The following AGTR1 variants were observed in gnomAD, a reference collection of about 807,000 sequenced individuals.
AGTR1 encodes the protein angiotensin II receptor type 1.
In AGTR1, 16 loss-of-function variants were observed where a neutral mutation model predicts 19.4. That is an observed-to-expected ratio of 0.82 (90% CI 0.56 to 1.25). The LOEUF (loss-of-function observed/expected upper bound fraction) is 1.25, where lower values mean the gene tolerates loss of function less well. Ranked by LOEUF, AGTR1 falls within the 50% of genes most tolerant of loss-of-function variation. The pLI is 0.00. For synonymous variants in AGTR1, 153 were observed against 154.9 expected (o/e 0.99, Z 0.09); for missense variants, 373 against 431.9 (o/e 0.86, Z 1.21).
chr3:148,700,405 CCA>C (rs1354327001), intron 1 of AGTR1, among the ~76,000 whole-genome samples: 10 of 152,050 alleles, frequency 6.6e-5, no homozygotes, highest in African/African-American at 2.4e-4. Context: ...ATCTGTGCTG[CCA>C]CAGTGTCCTT....
In AGTR1 at chr3:148,741,750, T is replaced by G; in HGVS notation, c.715T>G (p.Phe239Val). 1 of 1,613,762 alleles carries G rather than the reference T, an allele frequency of 6.2e-7. No homozygotes were observed. The highest frequency in any genetic ancestry group is 1.1e-5 in the South Asian group (1 of 91,082). The change falls in exon 3 of 3, where the codon TTT becomes GTT. Residue 239 changes from phenylalanine (F) to valine (V), a missense_variant. Physicochemically the swap from Phe to Val is conservative, Grantham distance 50. Transcript: ENST00000349243. Reference sequence around the variant, plus strand: ...GAACAAACCAAGAAATGATGATATTTTTAAGATAATTATGGCAATTGTGCT... The same window carrying G: ...GAACAAACCAAGAAATGATGATATTGTTAAGATAATTATGGCAATTGTGCT... ...QKNKPRNDDIFKIIMAIVLFF... is the reference protein window; with the variant it reads ...QKNKPRNDDIVKIIMAIVLFF...
In AGTR1 at chr3:148,741,803, C is replaced by T. The variant is rs1714917958; in HGVS notation, c.768C>T (p.His256=). The T allele has an allele frequency of 6.2e-7, 1 of 1,613,176 alleles. No individual in the cohort carries two copies. The highest frequency in any genetic ancestry group is 8.5e-7 in the Non-Finnish European group (1 of 1,179,944). Reference sequence around the variant, plus strand: ...TCTTTTTCTTTTCCTGGATTCCCCACCAAATATTCACTTTTCTGGATGTAT... The same window carrying T: ...TCTTTTTCTTTTCCTGGATTCCCCATCAAATATTCACTTTTCTGGATGTAT... The part of the protein sequence containing the change: ...VLFFFFSWIP[H]QIFTFLDVLI... The change falls in exon 3 of 3, where the codon CAC becomes CAT. Residue 256 remains histidine (H), a synonymous_variant. Transcript: ENST00000349243.
intron 2 of AGTR1, among the ~76,000 whole-genome samples, chr3:148,709,818 C>T (rs1045980939): frequency 1.3e-5 from 2 of 152,144 alleles, no homozygotes; most frequent in African/African-American, 4.8e-5. Context: ...CACTTCAGAG[C>T]TTGTTTCACA....
chr3:148,707,231 A>C (rs867787777), intron 1 of AGTR1, among the ~76,000 whole-genome samples: 1 of 152,080 alleles, frequency 6.6e-6, no homozygotes, highest in African/African-American at 2.4e-5. Context: ...AAAAAGAAAA[A>C]ACTATAGATA....
At chr3:148,740,510 T>C (rs1242237708) in intron 2 of AGTR1, among the ~76,000 whole-genome samples, 1 of 152,202 alleles carries the variant, frequency 6.6e-6, no homozygotes, top group Non-Finnish European at 1.5e-5. Context: ...TCTTTATACC[T>C]AAGTAAAGAT....
rs1241893519 is a variant in AGTR1, at chr3:148,741,220, T to C, written c.185T>C (p.Val62Ala). The C allele has an allele frequency of 6.2e-7, 1 of 1,614,066 alleles. No individual in the cohort carries two copies. Among genetic ancestry groups the C allele is most frequent in the African/African-American group, 1.3e-5 (1 of 74,952 alleles). Residue 62 changes from valine to alanine, a missense_variant, in exon 3 of 3, where the codon GTG becomes GCG. Coordinates refer to ENST00000349243, the MANE Select transcript of AGTR1 (RefSeq NM_000685.5). ...TACTTTTATATGAAGCTGAAGACTG[T>C]GGCCAGTGTTTTTCTTTTGAATTTA... ...VIYFYMKLKT[V>A]ASVFLLNLAL...
chr3:148,720,652 G>A (rs1035821980), intron 2 of AGTR1, among the ~76,000 whole-genome samples: 7 of 152,000 alleles, frequency 4.6e-5, no homozygotes, highest in Non-Finnish European at 7.4e-5. Context: ...TAGCTGCCTC[G>A]TACCGGTTTG....
intron 1 of AGTR1, among the ~76,000 whole-genome samples, chr3:148,702,569 T>C (rs932168326): frequency 6.6e-6 from 1 of 152,182 alleles, no homozygotes; most frequent in African/African-American, 2.4e-5. Flanking sequence ...CTAATGCTAG[T>C]AGGGTGGGAA....
At chr3:148,707,654 G>T (rs1712746508) in intron 1 of AGTR1, among the ~76,000 whole-genome samples, 1 of 152,046 alleles carries the variant, frequency 6.6e-6, no homozygotes, top group African/African-American at 2.4e-5. Context: ...GGCTAGGAAT[G>T]AGACTGCACT....
At chr3:148,729,710 G>A (rs569540997) in intron 2 of AGTR1, among the ~76,000 whole-genome samples, 1 of 152,246 alleles carries the variant, frequency 6.6e-6, no homozygotes, top group African/African-American at 2.4e-5. Flanking sequence ...GAAAAGAAAT[G>A]GAGTGGTAGA....
chr3:148,718,086 G>C (rs1713397902), intron 2 of AGTR1, among the ~76,000 whole-genome samples: 1 of 152,148 alleles, frequency 6.6e-6, no homozygotes, highest in Non-Finnish European at 1.5e-5. Context: ...AGCCACACTA[G>C]ACGTCCTTAT....
intron 2 of AGTR1, among the ~76,000 whole-genome samples, chr3:148,713,200 G>T (rs1333616758): frequency 2.6e-5 from 4 of 152,066 alleles, no homozygotes; most frequent in African/African-American, 9.6e-5. Flanking sequence ...GACCTATTTT[G>T]CAGTTTTATT....
intron 2 of AGTR1, chr3:148,740,064 G>C (rs948401009): frequency 1.4e-5 from 14 of 1,026,740 alleles, no homozygotes; most frequent in Non-Finnish European, 1.7e-5. Context: ...TGAATAGCTT[G>C]ACTGTTGATT....
intron 2 of AGTR1, among the ~76,000 whole-genome samples, chr3:148,725,540 C>T (rs1189979177): frequency 1.3e-5 from 2 of 152,116 alleles, no homozygotes; most frequent in South Asian, 2.1e-4. Context: ...AGTGCAGTGG[C>T]GCGATCTTGG....
intron 2 of AGTR1, among the ~76,000 whole-genome samples, chr3:148,729,594 T>C (rs1714140693): frequency 2.6e-5 from 4 of 152,218 alleles, no homozygotes; most frequent in Admixed American, 2.6e-4. Flanking sequence ...CACCAGTAGC[T>C]CATCTTATTT....
At chr3:148,700,273 A>G (rs959986881) in intron 1 of AGTR1, among the ~76,000 whole-genome samples, 1 of 152,168 alleles carries the variant, frequency 6.6e-6, no homozygotes, top group Non-Finnish European at 1.5e-5. Flanking sequence ...CCCCTATGCT[A>G]GAGGGAAAAT....
At chr3:148,725,395 A>G (rs1321449206) in intron 2 of AGTR1, among the ~76,000 whole-genome samples, 1 of 152,208 alleles carries the variant, frequency 6.6e-6, no homozygotes, top group African/African-American at 2.4e-5. Flanking sequence ...TTTTTGTATT[A>G]TTAGGGCTTC....
In AGTR1 at chr3:148,716,194, T is replaced by C. The variant is rs2107941118; in HGVS notation, c.-48+8167T>C. On this transcript the variant is annotated intron_variant, in intron 2 of 2. Transcript: ENST00000349243. The surrounding 1 kb of genome is among the most constrained non-coding windows in gnomAD (Gnocchi z 4.7). ...GTGCCCTTGTCCTCCTGGGCAGAGC[T>C]CCTCAGCTATACTCCCTTTCCTAGT... Among the ~76,000 whole-genome samples, 1 of 152,262 alleles carries C rather than the reference T, an allele frequency of 6.6e-6. No individual in the cohort carries two copies. The highest frequency in any genetic ancestry group is 1.9e-4 in the East Asian group (1 of 5,186).
chr3:148,741,143 T>C lies in AGTR1; in HGVS notation c.108T>C (p.Ser36=). The C allele has an allele frequency of 6.2e-7, 1 of 1,614,190 alleles. No individual in the cohort carries two copies. The highest frequency in any genetic ancestry group is 1.1e-5 in the South Asian group (1 of 91,086). The change falls in exon 3 of 3, where the codon AGT becomes AGC. Residue 36 remains serine, a synonymous_variant. Transcript: ENST00000349243. ...YIFVMIPTLY[S]IIFVVGIFGN... is the part of the protein sequence containing the mutation. Reference sequence around the variant, plus strand: ...TTGTCATGATTCCTACTTTATACAGTATCATCTTTGTGGTGGGAATATTTG... The same window carrying C: ...TTGTCATGATTCCTACTTTATACAGCATCATCTTTGTGGTGGGAATATTTG...
Sources: gnomAD v4.1 joint callset for allele counts (sites outside exome capture counted in the v4.1 genomes callset) on GRCh38, gnomAD v4.1.1 for gene constraint, Gnocchi (gnomAD v3.1) non-coding constraint, MANE v1.5 for transcripts, NCBI Gene and HGNC (gene_info 2026-07-23, HGNC 2026-07-21) for gene names.